Variants in FOXJ2 observed in about 807,000 individuals in gnomAD.
FOXJ2 encodes the protein forkhead box J2.
A neutral mutation model predicts 68.4 loss-of-function variants in FOXJ2; 18 were observed. That is an observed-to-expected ratio of 0.26 (90% CI 0.18 to 0.39). FOXJ2 has a LOEUF of 0.39. Among genes scored for constraint, FOXJ2 ranks in the 10% least tolerant of loss-of-function variants. The pLI is 1.00. For synonymous variants in FOXJ2, 274 were observed against 263.2 expected (o/e 1.04, Z -0.40); for missense variants, 670 against 726.5 (o/e 0.92, Z 0.89).
intron 10 of FOXJ2, among the ~76,000 whole-genome samples, chr12:8,051,345 G>A (rs1301135739): frequency 6.6e-6 from 1 of 152,024 alleles, no homozygotes; most frequent in Non-Finnish European, 1.5e-5. Flanking sequence ...GGCTAGGCTT[G>A]TCTTGAACTC....
At position 8,043,726 on chromosome 12, in the gene FOXJ2, G is replaced by T; in HGVS notation, c.434G>T (p.Cys145Phe). The T allele has an allele frequency of 6.2e-7, 1 of 1,614,144 alleles. No individual in the cohort carries two copies. Among genetic ancestry groups the T allele is most frequent in the Admixed American group, 1.7e-5 (1 of 60,014 alleles). ...GKGSYWTIDT[C>F]PDISRKRRHP... ...GGTTCCTATTGGACAATTGACACCTGCCCTGACATTTCCCGAAAGAGAAGA... is the reference window on the plus strand; with the variant it reads ...GGTTCCTATTGGACAATTGACACCTTCCCTGACATTTCCCGAAAGAGAAGA... The change falls in exon 4 of 11, where the codon TGC becomes TTC. Residue 145 changes from cysteine (C) to phenylalanine (F), a missense_variant. Around this residue, in one of 2 missense-constraint regions of FOXJ2, gnomAD observed 555 missense variants for 562.2 expected, o/e 0.99. Transcript: ENST00000162391.
rs376963092 is a variant in FOXJ2, at chr12:8,052,807, A to G, written c.1682A>G (p.Asn561Ser). The G allele has an allele frequency of 3.3e-5, 53 of 1,610,896 alleles. 1 individual carries two copies. Among genetic ancestry groups the G allele is most frequent in the African/African-American group, 2.1e-4 (16 of 74,970 alleles). ...PRPSVPPPGA[N>S]EEIPDDFDWD... ...CCATCAGTGCCACCTCCTGGTGCCA[A>G]TGAGGAGATCCCTGATGACTTCGAC... Residue 561 changes from asparagine to serine, a missense_variant, in exon 11 of 11, where the codon AAT (asparagine) becomes AGT (serine). Asn to Ser is a conservative substitution (Grantham distance 46). Around this residue, in one of 2 missense-constraint regions of FOXJ2, gnomAD observed 555 missense variants for 562.2 expected, o/e 0.99. Coordinates refer to ENST00000162391, the MANE Select transcript of FOXJ2 (RefSeq NM_018416.3).
intron 9 of FOXJ2, chr12:8,049,911 A>G (rs1183848229): frequency 2.7e-6 from 1 of 374,136 alleles, no homozygotes. Flanking sequence ...TGGTGGTTCT[A>G]TGCTTATGTG....
In FOXJ2 at chr12:8,033,257, A is replaced by C. The variant is rs35297839; in HGVS notation, c.-591A>C. 0.37 allele frequency: 66,939 copies of C among 178,738 alleles called. 14,328 individuals carry two copies. Among genetic ancestry groups the C allele is most frequent in the Non-Finnish European group, 0.47 (40,750 of 86,200 alleles). The allele number at this position is 178,738 out of a possible 1,614,324, so 11.1% of individuals were successfully genotyped here. On this transcript the variant is annotated 5_prime_UTR_variant, in exon 1 of 11. Transcript: ENST00000162391. ...CACTCTCAACAGTTCAGGACTTTGG[A>C]GGCAAAGAGAGACGGGGCTGTGCCT...
At position 8,043,781 on chromosome 12, in the gene FOXJ2, G is replaced by A. The variant is rs1265376211; in HGVS notation, c.477+12G>A. 1 of 1,614,188 alleles carries A rather than the reference G, an allele frequency of 6.2e-7. No homozygotes were observed. Among genetic ancestry groups the A allele is most frequent in the Non-Finnish European group, 8.5e-7 (1 of 1,180,012 alleles). ...CTCCAGATGATGATGTAAGTTCCCA[G>A]CTCATGAGGAGATGCCATATCTGAG... On this transcript the variant is annotated intron_variant, in intron 4 of 10. Transcript: ENST00000162391.
chr12:8,041,475 AG>A (rs1653148134), intron 2 of FOXJ2, among the ~76,000 whole-genome samples: 1 of 150,298 alleles, frequency 6.7e-6, no homozygotes, highest in Admixed American at 6.6e-5. Context: ...CCCAAAGTGC[AG>A]GGATTACAGG....
At chr12:8,041,976 C>G (rs113224608) in intron 2 of FOXJ2, among the ~76,000 whole-genome samples, 9 of 151,950 alleles carry the variant, frequency 5.9e-5, no homozygotes, top group African/African-American at 2.2e-4. Context: ...CTCCTGGGTT[C>G]AAGCGATTCT....
intron 1 of FOXJ2, among the ~76,000 whole-genome samples, chr12:8,036,844 T>A (rs1335237887): frequency 2.0e-5 from 3 of 152,090 alleles, no homozygotes; most frequent in Admixed American, 6.5e-5. Flanking sequence ...ATCCCAGCAC[T>A]TTGGGAGACC....
chr12:8,045,652 A>G (rs1198069108), intron 6 of FOXJ2, among the ~76,000 whole-genome samples: 1 of 124,654 alleles, frequency 8.0e-6, no homozygotes, highest in Non-Finnish European at 1.7e-5. Flanking sequence ...GTGCCCGGCC[A>G]TATTTCTTTC....
At chr12:8,052,635 C>A in intron 10 of FOXJ2, 127 bp from the exon 11 acceptor site, 2 of 693,164 alleles carry the variant, frequency 2.9e-6, no homozygotes, top group South Asian at 3.7e-5. Flanking sequence ...TTAACTCCAG[C>A]TGATAAGGGC....
intron 6 of FOXJ2, among the ~76,000 whole-genome samples, chr12:8,047,423 T>A (rs747720387): frequency 6.6e-6 from 1 of 152,120 alleles, no homozygotes; most frequent in African/African-American, 2.4e-5. Flanking sequence ...CACTCCAGCC[T>A]GGGCAACAAG....
In FOXJ2 at chr12:8,039,941, G is replaced by A. The variant is rs745388112; in HGVS notation, c.109G>A (p.Gly37Arg). The A allele has an allele frequency of 2.6e-5, 42 of 1,613,892 alleles. No homozygotes were observed. Among genetic ancestry groups the A allele is most frequent in the Admixed American group, 5.0e-5 (3 of 59,990 alleles). Residue 37 changes from glycine to arginine, a missense_variant, in exon 2 of 11, where the codon GGG (glycine) becomes AGG (arginine). This residue lies in a region of FOXJ2 where 115 missense variants were observed against 164.3 expected (regional missense o/e 0.70). Coordinates refer to ENST00000162391, the MANE Select transcript of FOXJ2 (RefSeq NM_018416.3). ...LGSASQAGPP[G>R]SSRKCSPGSP... ...AAGTGCCTCCCAGGCTGGGCCTCCC[G>A]GGAGCAGCCGCAAGTGTTCACCAGG...
intron 10 of FOXJ2, among the ~76,000 whole-genome samples, chr12:8,051,508 A>C (rs753208001): frequency 6.6e-6 from 1 of 152,328 alleles, no homozygotes; most frequent in Admixed American, 6.5e-5. Flanking sequence ...GCTATGTGCA[A>C]CATTTTTGTG....
intron 1 of FOXJ2, among the ~76,000 whole-genome samples, chr12:8,039,163 C>G (rs970948409): frequency 7.2e-5 from 11 of 152,000 alleles, no homozygotes; most frequent in Admixed American, 3.9e-4. Flanking sequence ...TAATCGTGAT[C>G]TCTGTGTATG....
intron 6 of FOXJ2, among the ~76,000 whole-genome samples, chr12:8,045,336 A>C (rs1947022354): frequency 6.6e-6 from 1 of 150,620 alleles, no homozygotes; most frequent in South Asian, 2.1e-4. Context: ...CTCCTTCCTC[A>C]GCCTCCCGAG....
rs1368412041 is a variant in FOXJ2, at chr12:8,033,714, G to C, written c.-134G>C. The stretch of plus-strand genomic sequence containing the variant: ...TCACCAACTTGGGAGGCTCAGCCTC[G>C]TCCAGGAAGAGCCACTGAGGATGAG... On this transcript the variant is annotated 5_prime_UTR_variant, in exon 1 of 11. Coordinates refer to ENST00000162391, the MANE Select transcript of FOXJ2 (RefSeq NM_018416.3). The C allele has an allele frequency of 1.3e-5, 2 of 152,728 alleles. No homozygotes were observed. Among genetic ancestry groups the C allele is most frequent in the African/African-American group, 2.4e-5 (1 of 41,404 alleles). 9.5% of individuals were successfully genotyped at this position (152,728 alleles called of 1,614,324 possible). A position where few individuals can be genotyped will look rare whatever the true frequency, so the allele number is the denominator to read the frequency against.
At position 8,048,233 on chromosome 12, in the gene FOXJ2, C is replaced by A; in HGVS notation, c.1169C>A (p.Pro390Gln). The A allele has an allele frequency of 6.2e-7, 1 of 1,603,438 alleles. No homozygotes were observed. Among genetic ancestry groups the A allele is most frequent in the Admixed American group, 1.7e-5 (1 of 58,538 alleles). The change falls in exon 7 of 11, where the codon CCA becomes CAA. Residue 390 changes from proline (P) to glutamine (Q), a missense_variant. Coordinates refer to ENST00000162391, the MANE Select transcript of FOXJ2 (RefSeq NM_018416.3). Reference sequence around the variant, plus strand: ...CCCCACTCCCACCCTGCCCAGCAGCCACCACCTCCACAGCCACAGGCACAA... The same window carrying A: ...CCCCACTCCCACCCTGCCCAGCAGCAACCACCTCCACAGCCACAGGCACAA... ...HHPHSHPAQQPPPPQPQAQGQ... is the reference protein window; with the variant it reads ...HHPHSHPAQQQPPPQPQAQGQ...
At chr12:8,044,715 C>T in intron 5 of FOXJ2, 45 bp from the exon 6 acceptor site, 2 of 1,606,198 alleles carry the variant, frequency 1.2e-6, no homozygotes, top group Non-Finnish European at 8.5e-7. Context: ...TTTATTGGTC[C>T]CTCAGCTGGG....
rs1030161717 is a variant in FOXJ2 at position 8,048,213 on chromosome 12, C to T, written c.1149C>T (p.His383=). ...GGYHPHQHHP[H]SHPAQQPPPP... ...ACCACCCTCATCAGCACCATCCCCA[C>T]TCCCACCCTGCCCAGCAGCCACCAC... is the stretch of plus-strand genomic sequence containing the variant. Residue 383 remains histidine, a synonymous_variant, in exon 7 of 11, where the codon CAC becomes CAT. Transcript: ENST00000162391. The T allele has an allele frequency of 1.2e-6, 2 of 1,609,946 alleles. No individual in the cohort carries two copies. Among genetic ancestry groups the T allele is most frequent in the Non-Finnish European group, 1.7e-6 (2 of 1,177,814 alleles).
Sources: allele counts gnomAD v4.1 joint callset (sites outside exome capture counted in the v4.1 genomes callset), GRCh38; gene constraint gnomAD v4.1.1; regional missense constraint gnomAD v4.1.1; transcripts MANE v1.5; gene names NCBI Gene and HGNC (gene_info 2026-07-23, HGNC 2026-07-21).